The following CCSER1 variants were observed in gnomAD, a reference collection of about 807,000 sequenced individuals.
CCSER1 encodes serine-rich coiled-coil domain-containing protein 1.
Under a neutral mutation model 82.0 loss-of-function variants are expected in CCSER1, and 41 were observed. The ratio of observed to expected loss-of-function variants is 0.50; its 90% CI spans 0.39 to 0.65. The LOEUF is 0.65. CCSER1 is among the 30% of genes least tolerant of loss of function. The pLI is 0.00. For missense variants in CCSER1, 1,119 were observed against 1,064.2 expected (o/e 1.05, Z -0.72); for synonymous variants, 414 against 383.9 (o/e 1.08, Z -0.92).
chr4:90,447,008 C>T (rs1053787623), intron 4 of CCSER1, among the ~76,000 whole-genome samples: 1 of 152,120 alleles, frequency 6.6e-6, no homozygotes, highest in Non-Finnish European at 1.5e-5. Context: ...GTGTGTTGAT[C>T]TGCTACTTAT....
intron 10 of CCSER1, among the ~76,000 whole-genome samples, chr4:91,173,382 C>T (rs1732965038): frequency 6.6e-6 from 1 of 152,056 alleles, no homozygotes; most frequent in Non-Finnish European, 1.5e-5. Flanking sequence ...ATCACGAGGT[C>T]AGGAGATCGA....
intron 10 of CCSER1, among the ~76,000 whole-genome samples, chr4:91,396,514 T>C (rs1244366989): frequency 3.3e-5 from 5 of 152,112 alleles, no homozygotes; most frequent in Non-Finnish European, 7.4e-5. Context: ...GTACCTAAAT[T>C]TTCAGTAAGC....
At chr4:90,291,431 T>A (rs1730930131) in intron 1 of CCSER1, among the ~76,000 whole-genome samples, 1 of 152,018 alleles carries the variant, frequency 6.6e-6, no homozygotes, top group Non-Finnish European at 1.5e-5. Flanking sequence ...CACATCACCC[T>A]TGCTACTGGG....
At chr4:90,329,200 A>G (rs1430880286) in intron 3 of CCSER1, among the ~76,000 whole-genome samples, 1 of 152,156 alleles carries the variant, frequency 6.6e-6, no homozygotes. Context: ...ATGTGATTTT[A>G]TTTTAATCAA....
chr4:90,426,859 A>G (rs1225665530), intron 4 of CCSER1, among the ~76,000 whole-genome samples: 3 of 152,098 alleles, frequency 2.0e-5, no homozygotes, highest in Non-Finnish European at 2.9e-5. Context: ...ATAATGCTCT[A>G]CTTTATTTCT....
chr4:90,141,616 G>A (rs1259429135), intron 1 of CCSER1, among the ~76,000 whole-genome samples: 3 of 152,212 alleles, frequency 2.0e-5, no homozygotes, highest in Non-Finnish European at 4.4e-5. Context: ...TGAGGAGACT[G>A]TGTCTTTTAA....
rs969656108 is a variant in CCSER1 at position 90,715,990 on chromosome 4, C to T, written c.1933-7924C>T. Among the ~76,000 whole-genome samples, 5 of 151,334 alleles carry T rather than the reference C, an allele frequency of 3.3e-5. No homozygotes were observed. In the South Asian group the frequency reaches 6.2e-4, roughly 19 times the overall value. ...TGTAATACTATATAGTATTGATATACAGTCATAACAAATAGTAGGGGAACC... is the reference window on the plus strand; with the variant it reads ...TGTAATACTATATAGTATTGATATATAGTCATAACAAATAGTAGGGGAACC... On this transcript the variant is annotated intron_variant, in intron 6 of 10. Coordinates refer to ENST00000509176, the MANE Select transcript of CCSER1 (RefSeq NM_001145065.2).
At chr4:91,018,524 C>G (rs1368450840) in intron 9 of CCSER1, among the ~76,000 whole-genome samples, 1 of 151,984 alleles carries the variant, frequency 6.6e-6, no homozygotes, top group Non-Finnish European at 1.5e-5. Context: ...CATATTATTC[C>G]CTAGTTTATA....
intron 10 of CCSER1, among the ~76,000 whole-genome samples, chr4:91,382,725 G>C (rs1284104404): frequency 6.6e-6 from 1 of 152,080 alleles, no homozygotes; most frequent in South Asian, 2.1e-4. Context: ...TGCACCCACT[G>C]TCTGACAAGC....
At chr4:91,431,949 C>G (rs954275714) in intron 10 of CCSER1, among the ~76,000 whole-genome samples, 5 of 151,982 alleles carry the variant, frequency 3.3e-5, no homozygotes, top group African/African-American at 1.2e-4. Context: ...TATGGTTTGG[C>G]TCTGTGTCCC....
chr4:90,648,947 T>C lies in CCSER1; in HGVS notation c.1932+20715T>C, dbSNP rs569319190. Among the ~76,000 whole-genome samples the C allele has an allele frequency of 2.6e-5, 4 of 152,262 alleles. No homozygotes were observed. The East Asian group carries it at 5.8e-4, about 22-fold the overall frequency. ...AAGAGAGTAACACGGTCTTATAATA[T>C]TAGTGACAGAGCAGAAGTTAGCTGC... On this transcript the variant is annotated intron_variant, in intron 6 of 10. Transcript: ENST00000509176.
At chr4:90,326,802 A>G (rs1013760999) in intron 3 of CCSER1, among the ~76,000 whole-genome samples, 20 of 152,084 alleles carry the variant, frequency 1.3e-4, no homozygotes, top group African/African-American at 4.6e-4. Context: ...GCATCCGATG[A>G]GCCCTGGCCC....
rs201134203 is a variant in CCSER1 at position 90,695,064 on chromosome 4, T to TTA, written c.1933-28840_1933-28839dup. 9.4e-3 allele frequency among the ~76,000 whole-genome samples: 1,391 copies of TTA among 148,094 alleles called. 19 individuals are homozygous for TTA. Among genetic ancestry groups the TTA allele is most frequent in the African/African-American group, 0.032 (1,296 of 40,762 alleles). On this transcript the variant is annotated intron_variant, in intron 6 of 10. Coordinates refer to ENST00000509176, the MANE Select transcript of CCSER1 (RefSeq NM_001145065.2). ...TATATGTATATATATTTATTTATAT[T>TTA]TATATATATATGTATATATATTTGC...
At chr4:90,749,605 T>C (rs1351735672) in intron 7 of CCSER1, among the ~76,000 whole-genome samples, 1 of 152,114 alleles carries the variant, frequency 6.6e-6, no homozygotes, top group East Asian at 1.9e-4. Context: ...GGGGATGACA[T>C]TGAATCTGTA....
intron 1 of CCSER1, among the ~76,000 whole-genome samples, chr4:90,144,919 A>G (rs1725514735): frequency 6.6e-6 from 1 of 152,124 alleles, no homozygotes; most frequent in South Asian, 2.1e-4. Context: ...AACCAACCAA[A>G]GAGATCAGCT....
chr4:90,859,833 C>T (rs1362983277), intron 8 of CCSER1, among the ~76,000 whole-genome samples: 5 of 151,522 alleles, frequency 3.3e-5, no homozygotes, highest in Non-Finnish European at 5.9e-5. Flanking sequence ...GGATCTTTGC[C>T]GTTGTTGAAT....
rs375427797 is a variant in CCSER1, at chr4:91,271,492, C to T, written c.2217+185498C>T. On this transcript the variant is annotated intron_variant, in intron 10 of 10. Coordinates refer to ENST00000509176, the MANE Select transcript of CCSER1 (RefSeq NM_001145065.2). ...CCTTTGCATCCTCATAGCTTAGCTC[C>T]CACTTATGAGTGAGAACATATGAAC... is the stretch of plus-strand genomic sequence containing the variant. 3.4e-4 allele frequency among the ~76,000 whole-genome samples: 51 copies of T among 152,204 alleles called. 1 individual carries two copies. Among genetic ancestry groups the T allele is most frequent in the African/African-American group, 1.2e-3 (48 of 41,524 alleles).
At chr4:90,287,716 A>G (rs1730159614) in intron 1 of CCSER1, among the ~76,000 whole-genome samples, 1 of 151,922 alleles carries the variant, frequency 6.6e-6, no homozygotes, top group Non-Finnish European at 1.5e-5. Context: ...TCCAACTTTG[A>G]TATTAGAAAT....
At chr4:90,780,105 A>T (rs1753543576) in intron 7 of CCSER1, among the ~76,000 whole-genome samples, 1 of 152,184 alleles carries the variant, frequency 6.6e-6, no homozygotes, top group Non-Finnish European at 1.5e-5. Context: ...ATTTACTGTC[A>T]AAAGAACCCT....
Sources: allele counts gnomAD v4.1 joint callset (sites outside exome capture counted in the v4.1 genomes callset), GRCh38; gene constraint gnomAD v4.1.1; transcripts MANE v1.5; gene names NCBI Gene and HGNC (gene_info 2026-07-23, HGNC 2026-07-21).